GNA14: variants seen among roughly 807,000 people sequenced by gnomAD.
GNA14 encodes the protein G protein subunit alpha 14.
A neutral mutation model predicts 42.0 loss-of-function variants in GNA14; 50 were observed. The ratio of observed to expected loss-of-function variants is 1.19; its 90% CI spans 0.95 to 1.51. The LOEUF is 1.51. GNA14 is among the 40% of genes most tolerant of loss of function. The pLI is 0.00. For synonymous variants in GNA14, 173 were observed against 163.1 expected (o/e 1.06, Z -0.46); for missense variants, 473 against 446.2 (o/e 1.06, Z -0.54).
chr9:77,543,995 T>C (rs1837691167), intron 1 of GNA14, among the ~76,000 whole-genome samples: 1 of 152,216 alleles, frequency 6.6e-6, no homozygotes, highest in African/African-American at 2.4e-5. Flanking sequence ...ATAAATATGG[T>C]ATTCCTAAAA....
At chr9:77,638,432 G>T (rs1351485781) in intron 1 of GNA14, among the ~76,000 whole-genome samples, 1 of 152,218 alleles carries the variant, frequency 6.6e-6, no homozygotes, top group African/African-American at 2.4e-5. Flanking sequence ...GAAAGGCCTT[G>T]TCAAGAGATG....
At chr9:77,595,203 G>C (rs1208672826) in intron 1 of GNA14, among the ~76,000 whole-genome samples, 1 of 152,008 alleles carries the variant, frequency 6.6e-6, no homozygotes, top group African/African-American at 2.4e-5. Flanking sequence ...CAGCAGTACA[G>C]AGCTGATGCT....
intron 1 of GNA14, among the ~76,000 whole-genome samples, chr9:77,594,862 A>G (rs1256763706): frequency 2.0e-5 from 3 of 152,096 alleles, no homozygotes; most frequent in Non-Finnish European, 4.4e-5. Context: ...GTCCATGCTC[A>G]CTCTAAACAC....
At chr9:77,511,194 A>C (rs1383039759) in intron 2 of GNA14, among the ~76,000 whole-genome samples, 1 of 152,082 alleles carries the variant, frequency 6.6e-6, no homozygotes, top group Admixed American at 6.5e-5. Context: ...CAGCTCCTCC[A>C]TTCCCCCTAT....
At chr9:77,457,702 A>G (rs1836027971) in intron 2 of GNA14, among the ~76,000 whole-genome samples, 1 of 152,170 alleles carries the variant, frequency 6.6e-6, no homozygotes, top group Non-Finnish European at 1.5e-5. Context: ...TCCGGGCTAT[A>G]GACACCCTCA....
chr9:77,570,586 C>T (rs1041485675), intron 1 of GNA14, among the ~76,000 whole-genome samples: 1 of 152,044 alleles, frequency 6.6e-6, no homozygotes, highest in South Asian at 2.1e-4. Context: ...TTTTTTATTG[C>T]CAAATAATAT....
chr9:77,565,834 G>A (rs1356621141), intron 1 of GNA14, among the ~76,000 whole-genome samples: 1 of 152,142 alleles, frequency 6.6e-6, no homozygotes, highest in East Asian at 1.9e-4. Context: ...TATTGAATGA[G>A]TCTGCTCCAA....
intron 2 of GNA14, among the ~76,000 whole-genome samples, chr9:77,479,416 G>C (rs890429377): frequency 2.6e-5 from 4 of 152,096 alleles, no homozygotes; most frequent in Admixed American, 6.6e-5. Context: ...TGCTGTTTTG[G>C]TTACTGTAGC....
intron 2 of GNA14, among the ~76,000 whole-genome samples, chr9:77,463,909 T>G (rs997435027): frequency 1.3e-5 from 2 of 149,908 alleles, no homozygotes; most frequent in African/African-American, 5.1e-5. Flanking sequence ...TAATTGCTTT[T>G]TATATCAGCA....
chr9:77,554,792 G>A (rs547295976), intron 1 of GNA14, among the ~76,000 whole-genome samples: 80 of 152,236 alleles, frequency 5.3e-4, no homozygotes, highest in African/African-American at 1.5e-3. Context: ...AAGCCAAATG[G>A]GGATCTCATT....
rs980112751 is a variant in GNA14, at chr9:77,647,830, C to T, written c.-37G>A. ...CTCAGTACCCGACGGGGCGACGCGG[C>T]CCCGGGCACCCGAATCCTCGGCCCG... On this transcript the variant is annotated 5_prime_UTR_variant, in exon 1 of 7. Coordinates refer to ENST00000341700, the MANE Select transcript of GNA14 (RefSeq NM_004297.4). The T allele has an allele frequency of 8.2e-6, 13 of 1,588,698 alleles. No individual in the cohort carries two copies. The highest frequency in any genetic ancestry group is 4.0e-5 in the African/African-American group (3 of 74,340).
intron 2 of GNA14, among the ~76,000 whole-genome samples, chr9:77,461,878 C>T (rs952561405): frequency 6.6e-6 from 1 of 152,130 alleles, no homozygotes; most frequent in Non-Finnish European, 1.5e-5. Context: ...TCTTGGCACA[C>T]AATATATAAT....
At chr9:77,538,468 T>C (rs1837622814) in intron 1 of GNA14, among the ~76,000 whole-genome samples, 1 of 152,128 alleles carries the variant, frequency 6.6e-6, no homozygotes, top group Non-Finnish European at 1.5e-5. Flanking sequence ...TGCCGTGAAA[T>C]ATGATGTTGG....
intron 2 of GNA14, among the ~76,000 whole-genome samples, chr9:77,502,261 C>A (rs1255248573): frequency 2.0e-5 from 3 of 152,124 alleles, no homozygotes; most frequent in Admixed American, 2.0e-4. Context: ...TACTAACATC[C>A]CTGCCACCTT....
rs538635544 is a variant in GNA14 at position 77,576,202 on chromosome 9, GAGGGAGGGTC to G, written c.125-46959_125-46950del. Among the ~76,000 whole-genome samples the G allele has an allele frequency of 1.1e-4, 16 of 152,266 alleles. No individual in the cohort carries two copies. The South Asian group carries it at 3.3e-3, about 32-fold the overall frequency. On this transcript the variant is annotated intron_variant, in intron 1 of 6. Transcript: ENST00000341700. ...AGGGAGAGAGATTGAGGGATATGGT[GAGGGAGGGTC>G]AGGGAGAAGAGAAAGACGTTGAAAG...
At chr9:77,525,143 T>C (rs978888276) in intron 2 of GNA14, among the ~76,000 whole-genome samples, 2 of 152,226 alleles carry the variant, frequency 1.3e-5, no homozygotes, top group African/African-American at 4.8e-5. Context: ...GCCACACTTA[T>C]TCGTTTACTT....
At position 77,498,232 on chromosome 9, in the gene GNA14, G is replaced by A. The variant is rs112371957; in HGVS notation, c.309+30837C>T. 1.9e-3 allele frequency among the ~76,000 whole-genome samples: 291 copies of A among 152,034 alleles called. 1 individual carries two copies. The highest frequency in any genetic ancestry group is 6.8e-3 in the African/African-American group (282 of 41,490). ...CTGCTAAAAATACAAAATTAGTCGG[G>A]GGTGATGGTGCAGGCCTGTAATCCC... On this transcript the variant is annotated intron_variant, in intron 2 of 6. Transcript: ENST00000341700.
rs774648913 is a variant in GNA14 at position 77,509,907 on chromosome 9, T to C, written c.309+19162A>G. Among the ~76,000 whole-genome samples the C allele has an allele frequency of 1.3e-5, 2 of 152,214 alleles. 1 individual carries two copies. The highest frequency in any genetic ancestry group is 3.9e-4 in the East Asian group (2 of 5,194). On this transcript the variant is annotated intron_variant, in intron 2 of 6. Coordinates refer to ENST00000341700, the MANE Select transcript of GNA14 (RefSeq NM_004297.4). Reference sequence around the variant, plus strand: ...AACTGGCATAAAATGCCTCTTAAAGTGTCTAGTGGGAACGACACATCACTA... The same window carrying C: ...AACTGGCATAAAATGCCTCTTAAAGCGTCTAGTGGGAACGACACATCACTA...
intron 1 of GNA14, among the ~76,000 whole-genome samples, chr9:77,612,718 T>C (rs1282870802): frequency 6.6e-6 from 1 of 151,898 alleles, no homozygotes; most frequent in Non-Finnish European, 1.5e-5. Flanking sequence ...AAGGGAAATC[T>C]AGTACACTGT....
Sources: allele counts gnomAD v4.1 joint callset (sites outside exome capture counted in the v4.1 genomes callset), GRCh38; gene constraint gnomAD v4.1.1; transcripts MANE v1.5; gene names NCBI Gene and HGNC (gene_info 2026-07-23, HGNC 2026-07-21).